Variants in TMEM52B observed in about 807,000 individuals in gnomAD.
TMEM52B encodes chromosome 12 open reading frame 59.
Under a neutral mutation model 16.1 loss-of-function variants are expected in TMEM52B, and 11 were observed. The observed-to-expected ratio is 0.68, with a 90% confidence interval of 0.43 to 1.13. The LOEUF (loss-of-function observed/expected upper bound fraction) is 1.13, where lower values mean the gene tolerates loss of function less well. Among genes scored for constraint, TMEM52B ranks in the 50% most tolerant of loss-of-function variants. The probability of loss-of-function intolerance (pLI) is 0.00; values close to 1 mark genes in which losing one functional copy is unlikely to be tolerated. For synonymous variants in TMEM52B, 101 were observed against 93.8 expected (o/e 1.08, Z -0.45); for missense variants, 243 against 230.4 (o/e 1.05, Z -0.35).
At chr12:10,176,323 G>A (rs1948765233), upstream of TMEM52B, among the ~76,000 whole-genome samples, 1 of 152,080 alleles carries the variant, frequency 6.6e-6, no homozygotes, top group Admixed American at 6.6e-5. Flanking sequence ...AAAAAAAAAG[G>A]GTAGTAATAA....
intron 1 of TMEM52B, among the ~76,000 whole-genome samples, chr12:10,181,852 C>A (rs1948826733): frequency 6.6e-6 from 1 of 150,756 alleles, no homozygotes; most frequent in Non-Finnish European, 1.5e-5. Flanking sequence ...CATGGTGAAA[C>A]CCTGTGTCTA....
In TMEM52B at chr12:10,189,756, T is replaced by C; in HGVS notation, c.308-140T>C. 3 of 1,184,930 alleles carry C rather than the reference T, an allele frequency of 2.5e-6. No homozygotes were observed. In the Admixed American group the frequency reaches 8.0e-5, roughly 32 times the overall value. 73.4% of individuals were successfully genotyped at this position (1,184,930 alleles called of 1,614,324 possible). On this transcript the variant is annotated intron_variant, in intron 4 of 4. Transcript: ENST00000543484. ...GTAAACATGCTTCAAAGGATATTCA[T>C]AAAATTTGGGGCAAGGAGTGACAAT...
chr12:10,191,334 C>T lies in TMEM52B; in HGVS notation c.*1194C>T. On this transcript the variant is annotated 3_prime_UTR_variant, in exon 5 of 5. Transcript: ENST00000543484. ...CTCCCGGATTCAAGCAATTCTTCTGCCTCAGCTTCCCGACTAGCTGGGATT... is the reference window on the plus strand; with the variant it reads ...CTCCCGGATTCAAGCAATTCTTCTGTCTCAGCTTCCCGACTAGCTGGGATT... The T allele has an allele frequency of 6.6e-6, 1 of 151,998 alleles. No individual in the cohort carries two copies. The allele number at this position is 151,998 out of a possible 1,614,324, so 9.4% of individuals were successfully genotyped here. A position where few individuals can be genotyped will look rare whatever the true frequency, so the allele number is the denominator to read the frequency against.
intron 2 of TMEM52B, among the ~76,000 whole-genome samples, chr12:10,184,592 G>T (rs376278848): frequency 2.0e-5 from 3 of 152,094 alleles, no homozygotes; most frequent in South Asian, 2.1e-4. Flanking sequence ...ACCCACATCT[G>T]GTGTCAGAGG....
rs1264668587 is a variant in TMEM52B at position 10,189,766 on chromosome 12, G to A, written c.308-130G>A. 3 of 1,284,182 alleles carry A rather than the reference G, an allele frequency of 2.3e-6. No homozygotes were observed. In the African/African-American group the frequency reaches 4.5e-5, roughly 19 times the overall value. The allele number at this position is 1,284,182 out of a possible 1,614,324, so 79.5% of individuals were successfully genotyped here. ...TTCAAAGGATATTCATAAAATTTGG[G>A]GCAAGGAGTGACAATGAGTTTGGAT... On this transcript the variant is annotated intron_variant, in intron 4 of 4. Coordinates refer to ENST00000543484, the MANE Select transcript of TMEM52B (RefSeq NM_001384896.1).
intron 4 of TMEM52B, 59 bp from the exon 5 acceptor site, chr12:10,189,837 C>T: frequency 1.9e-6 from 3 of 1,585,040 alleles, no homozygotes; most frequent in Non-Finnish European, 2.6e-6. Context: ...TAAGTCTCTG[C>T]TGTCTGAGGG....
chr12:10,176,712 A>T (rs1489269402), upstream of TMEM52B, among the ~76,000 whole-genome samples: 2 of 152,178 alleles, frequency 1.3e-5, no homozygotes, highest in Non-Finnish European at 2.9e-5. Flanking sequence ...AAATATCAGG[A>T]CTGTTATATT....
Position 10,182,563 on chromosome 12 carries a change from G to C in TMEM52B, c.68G>C (p.Arg23Thr), listed in dbSNP as rs1227353924. The C allele has an allele frequency of 6.5e-7, 1 of 1,535,512 alleles. No homozygotes were observed. The highest frequency in any genetic ancestry group is 2.4e-5 in the East Asian group (1 of 40,892). ...LLYFILLSGT[R>T]CEENCGNPEH... ...CTCTTTCTACAGCTTTCTGGGACGA[G>C]ATGTGAGGAAAACTGTGGTAATCCT... The change falls in exon 2 of 5, where the codon AGA becomes ACA. Residue 23 changes from arginine (R) to threonine (T), a missense_variant. Arg to Thr is a moderately conservative substitution (Grantham distance 71, BLOSUM62 -1). Transcript: ENST00000543484.
chr12:10,170,619 G>C (rs1717695309), exon 1 of TMEM52B: 1 of 151,364 alleles, frequency 6.6e-6, no homozygotes, highest in African/African-American at 2.4e-5. Context: ...AGCCTCCTGA[G>C]CAGCTGGGAT....
chr12:10,182,409 A>T, intron 1 of TMEM52B, 141 bp from the exon 2 acceptor site: 1 of 1,291,742 alleles, frequency 7.7e-7, no homozygotes, highest in Non-Finnish European at 9.9e-7. Context: ...TGAAAATGGC[A>T]GTCCTAAATA....
rs1948792701 is a variant in TMEM52B at position 10,179,067 on chromosome 12, C to CA, written c.-508_-507insA. On this transcript the variant is annotated 5_prime_UTR_variant, in exon 1 of 5. Coordinates refer to ENST00000543484, the MANE Select transcript of TMEM52B (RefSeq NM_001384896.1). ...GGTGACTTTCACCCTGCAACAGTCA[C>CA]GCTGGAGTACTCTGGTGAAGGATCA... 6.4e-6 allele frequency: 1 copy of CA among 157,040 alleles called. No homozygotes were observed. Among genetic ancestry groups the CA allele is most frequent in the Non-Finnish European group, 1.4e-5 (1 of 70,712 alleles). 9.7% of individuals were successfully genotyped at this position (157,040 alleles called of 1,614,324 possible).
Position 10,173,546 on chromosome 12 carries a change from GA to G in TMEM52B, c.-95+2696del, listed in dbSNP as rs1015893716. Among the ~76,000 whole-genome samples, 24 of 118,382 alleles carry G rather than the reference GA, an allele frequency of 2.0e-4. No individual in the cohort carries two copies. In the East Asian group the frequency reaches 3.9e-3, roughly 19 times the overall value. 77.7% of individuals were successfully genotyped at this position (118,382 alleles called of 152,430 possible). ...TGTAATCTCAGCACTTTGGGAAGCTGAGGGGGGGGGTGGATCACTGAGGTCA... is the reference window on the plus strand; with the variant it reads ...TGTAATCTCAGCACTTTGGGAAGCTGGGGGGGGGGTGGATCACTGAGGTCA... On this transcript the variant is annotated intron_variant, in intron 1 of 5. Transcript: ENST00000381923.
intron 2 of TMEM52B, 116 bp from the exon 3 acceptor site, chr12:10,185,214 G>T: frequency 1.3e-6 from 1 of 762,646 alleles, no homozygotes; most frequent in East Asian, 2.5e-5. Flanking sequence ...CATAACCCAT[G>T]GTGCTTTATT....
In TMEM52B at chr12:10,182,525, T is replaced by A. The variant is rs532047290; in HGVS notation, c.55-25T>A. On this transcript the variant is annotated intron_variant, in intron 1 of 4. Transcript: ENST00000543484. The stretch of plus-strand genomic sequence containing the variant: ...CACAGTGGCCAAAACAATTTCCCTG[T>A]ATAAGACAATTTCTCTTTCTACAGC... 7.7e-5 allele frequency: 118 copies of A among 1,533,378 alleles called. No homozygotes were observed. In the African/African-American group the frequency reaches 1.5e-3, roughly 19 times the overall value. 95.0% of individuals were successfully genotyped at this position (1,533,378 alleles called of 1,614,324 possible).
At chr12:10,182,892 TCAGTGACTCAC>T (rs1308498172) in intron 2 of TMEM52B, among the ~76,000 whole-genome samples, 1 of 152,218 alleles carries the variant, frequency 6.6e-6, no homozygotes, top group Non-Finnish European at 1.5e-5. Context: ...GCCCTGCTCC[TCAGTGACTCAC>T]CAGGACAGAC....
chr12:10,188,532 GGAAGGAAAAGAAGAAA>G (rs1565428832), intron 4 of TMEM52B, among the ~76,000 whole-genome samples: 10 of 26,680 alleles, frequency 3.7e-4, no homozygotes, highest in Admixed American at 5.5e-4. Flanking sequence ...AAGGAAGGAA[GGAAGGAAAAGAAGAAA>G]AAGAAAAAGA....
chr12:10,181,825 G>A (rs1948826410), intron 1 of TMEM52B, among the ~76,000 whole-genome samples: 1 of 150,412 alleles, frequency 6.6e-6, no homozygotes, highest in African/African-American at 2.4e-5. Flanking sequence ...TCAGGTGTTC[G>A]AGACTAGCCT....
intron 2 of TMEM52B, among the ~76,000 whole-genome samples, chr12:10,183,386 C>T (rs1266749623): frequency 1.3e-5 from 2 of 151,546 alleles, no homozygotes; most frequent in Non-Finnish European, 2.9e-5. Context: ...TCCTATAAAC[C>T]AGAGTCTAAT....
At chr12:10,171,408 C>T (rs900670362) in intron 1 of TMEM52B, among the ~76,000 whole-genome samples, 2 of 152,142 alleles carry the variant, frequency 1.3e-5, no homozygotes, top group African/African-American at 4.8e-5. Flanking sequence ...TCAAACAGAA[C>T]TTACAATTTT....
Sources: gnomAD v4.1 joint callset for allele counts (sites outside exome capture counted in the v4.1 genomes callset) on GRCh38, gnomAD v4.1.1 for gene constraint, MANE v1.5 for transcripts, NCBI Gene and HGNC (gene_info 2026-07-23, HGNC 2026-07-21) for gene names.